Variants in STMN1 observed in about 807,000 individuals in gnomAD.
STMN1 encodes the protein stathmin.
STMN1 carries 3 observed loss-of-function variants against 19.7 expected under a neutral mutation model. The observed-to-expected ratio is 0.15, with a 90% CI of 0.07 to 0.39. The LOEUF (loss-of-function observed/expected upper bound fraction) is 0.39. Among genes scored for constraint, STMN1 ranks in the 10% least tolerant of loss-of-function variants. The pLI is 1.00. For synonymous variants in STMN1, 59 were observed against 58.9 expected (o/e 1.00, Z -0.01); for missense variants, 99 against 176.0 (o/e 0.56, Z 2.48).
downstream of STMN1, among the ~76,000 whole-genome samples, chr1:25,895,613 G>A (rs2048812915): frequency 1.3e-5 from 2 of 152,200 alleles, no homozygotes; most frequent in Non-Finnish European, 2.9e-5. Flanking sequence ...GTCCGCTGAC[G>A]GCCGCTGGGT....
chr1:25,904,818 A>G lies in STMN1; in HGVS notation c.-62-80T>C, dbSNP rs532461762. On this transcript the variant is annotated intron_variant, in intron 1 of 4. Coordinates refer to ENST00000455785, the MANE Select transcript of STMN1 (RefSeq NM_005563.4). ...TCAACCCAAAAAAATCTCACATCAC[A>G]TCTACATACATCGTCAGAAAAATAC... is the stretch of plus-strand genomic sequence containing the variant. 5.7e-5 allele frequency: 53 copies of G among 931,540 alleles called. No individual in the cohort carries two copies. In the Admixed American group the frequency reaches 7.3e-4, roughly 13 times the overall value. 57.7% of individuals were successfully genotyped at this position (931,540 alleles called of 1,614,324 possible).
intron 3 of STMN1, 54 bp downstream of exon 3, chr1:25,903,587 G>C (rs2048900394): frequency 6.3e-6 from 10 of 1,592,974 alleles, no homozygotes; most frequent in Non-Finnish European, 8.5e-6. Context: ...AAATAAAATT[G>C]ATCTGCCCAT....
Position 25,900,814 on chromosome 1 carries a change from T to A in STMN1, c.*202A>T. The A allele has an allele frequency of 7.3e-7, 1 of 1,376,374 alleles. No individual in the cohort carries two copies. The highest frequency in any genetic ancestry group is 9.4e-7 in the Non-Finnish European group (1 of 1,066,594). 85.3% of individuals were successfully genotyped at this position (1,376,374 alleles called of 1,614,324 possible). A position where few individuals can be genotyped will look rare whatever the true frequency, so the allele number is the denominator to read the frequency against. ...TAGCTACATTAGAAAGACCAACACT[T>A]TAGAAAAAGAGTAAAACACTTTCAG... On this transcript the variant is annotated 3_prime_UTR_variant, in exon 5 of 5. Transcript: ENST00000455785.
At chr1:25,903,603 A>G in intron 3 of STMN1, 38 bp downstream of exon 3, 1 of 1,606,126 alleles carries the variant, frequency 6.2e-7, no homozygotes, top group South Asian at 1.1e-5. Flanking sequence ...CCCATTACAT[A>G]AATTAATATC....
Position 25,900,441 on chromosome 1 carries a change from G to A in STMN1, c.*575C>T. ...ACACTGGGGCAAGAAACGGGGCAGA[G>A]AACGTGCGGTCATTTGTGCGTTGGG... On this transcript the variant is annotated 3_prime_UTR_variant, in exon 5 of 5. Transcript: ENST00000455785. 2.0e-6 allele frequency: 2 copies of A among 985,890 alleles called. No homozygotes were observed. Among genetic ancestry groups the A allele is most frequent in the East Asian group, 1.1e-4 (1 of 8,828 alleles). The allele number at this position is 985,890 out of a possible 1,614,324, so 61.1% of individuals were successfully genotyped here.
chr1:25,899,975 C>G (rs2048852879), downstream of STMN1: 4 of 558,656 alleles, frequency 7.2e-6, no homozygotes, highest in Non-Finnish European at 9.1e-6. Context: ...CAAAGGCGTT[C>G]CCTGAATTGA....
At position 25,906,263 on chromosome 1, in the gene STMN1, C is replaced by G. The variant is rs1161573009; in HGVS notation, c.-63+126G>C. ...AGCGACCCCCGCCCACCAACCCCTC[C>G]GAGGCCCGCAGCCCCGCCCGCCGCC... is the stretch of plus-strand genomic sequence containing the variant. On this transcript the variant is annotated intron_variant, in intron 1 of 4. Transcript: ENST00000455785. This position sits in a 1 kb window ranked among gnomAD's most constrained non-coding sequence, Gnocchi z 4.5. 3 of 151,866 alleles carry G rather than the reference C, an allele frequency of 2.0e-5. No individual in the cohort carries two copies. The highest frequency in any genetic ancestry group is 6.6e-5 in the Admixed American group (1 of 15,232). 9.4% of individuals were successfully genotyped at this position (151,866 alleles called of 1,614,324 possible).
At chr1:25,905,777 G>C (rs1475658056) in intron 1 of STMN1, 1 of 152,190 alleles carries the variant, frequency 6.6e-6, no homozygotes, top group Non-Finnish European at 1.5e-5. Context: ...AGCGGGTGGG[G>C]CAGGCCCCGG....
chr1:25,885,571 A>T, exon 5 of STMN1: 1 of 1,022,718 alleles, frequency 9.8e-7, no homozygotes, highest in Non-Finnish European at 1.4e-6. Context: ...ACTGAGGCTC[A>T]GACACAGCAA....
exon 5 of STMN1, chr1:25,885,695 T>A: frequency 6.5e-7 from 1 of 1,542,076 alleles, no homozygotes; most frequent in Non-Finnish European, 8.8e-7. Context: ...GTCATTGCTA[T>A]CATCAACAGC....
chr1:25,902,277 G>A (rs1277489361), intron 3 of STMN1: 1 of 152,134 alleles, frequency 6.6e-6, no homozygotes, highest in Non-Finnish European at 1.5e-5. Context: ...GATGACTTGA[G>A]GAATATGTAC....
In STMN1 at chr1:25,900,349, A is replaced by G. The variant is rs760351743; in HGVS notation, c.*667T>C. 1.9e-4 allele frequency: 191 copies of G among 985,902 alleles called. 1 individual carries two copies. The highest frequency in any genetic ancestry group is 1.4e-4 in the Non-Finnish European group (115 of 829,950). 61.1% of individuals were successfully genotyped at this position (985,902 alleles called of 1,614,324 possible). The stretch of plus-strand genomic sequence containing the variant: ...GTTTGCAAATAAACATCTGAAAGAA[A>G]GTAACAGCTGACCTGGGCTGAGGCA... On this transcript the variant is annotated 3_prime_UTR_variant, in exon 5 of 5. Coordinates refer to ENST00000455785, the MANE Select transcript of STMN1 (RefSeq NM_005563.4).
downstream of STMN1, among the ~76,000 whole-genome samples, chr1:25,899,845 G>A (rs577293157): frequency 1.8e-4 from 28 of 152,186 alleles, no homozygotes; most frequent in South Asian, 5.4e-3. Context: ...GGACCCCACC[G>A]CAGTATTAGC....
chr1:25,887,921 G>A (rs1394323418), intron 4 of STMN1, among the ~76,000 whole-genome samples: 10 of 152,282 alleles, frequency 6.6e-5, no homozygotes, highest in East Asian at 1.9e-4. Flanking sequence ...TCTTGACTTC[G>A]TGATCCACCC....
At position 25,900,621 on chromosome 1, in the gene STMN1, T is replaced by C. The variant is rs753098846; in HGVS notation, c.*395A>G. On this transcript the variant is annotated 3_prime_UTR_variant, in exon 5 of 5. Transcript: ENST00000455785. ...TCAAGTCCAGTAGCATCTGGTAAGA[T>C]TGGGACAGAATTGGGATTGAAAAGT... is the stretch of plus-strand genomic sequence containing the variant. 126 of 993,550 alleles carry C rather than the reference T, an allele frequency of 1.3e-4. No homozygotes were observed. Among genetic ancestry groups the C allele is most frequent in the Non-Finnish European group, 1.5e-4 (124 of 835,300 alleles). 61.5% of individuals were successfully genotyped at this position (993,550 alleles called of 1,614,324 possible). A position where few individuals can be genotyped will look rare whatever the true frequency, so the allele number is the denominator to read the frequency against.
At chr1:25,891,877 G>T (rs190984719) in intron 4 of STMN1, among the ~76,000 whole-genome samples, 1 of 152,280 alleles carries the variant, frequency 6.6e-6, no homozygotes, top group Non-Finnish European at 1.5e-5. Flanking sequence ...GGAACACTGG[G>T]CAGGGAGGGG....
intron 4 of STMN1, among the ~76,000 whole-genome samples, chr1:25,892,992 C>T (rs2048789761): frequency 6.6e-6 from 1 of 152,196 alleles, no homozygotes; most frequent in African/African-American, 2.4e-5. Context: ...TAACTTAATA[C>T]TTCTGTAAAA....
chr1:25,885,722 C>G, exon 5 of STMN1: 1 of 1,549,906 alleles, frequency 6.5e-7, no homozygotes, highest in Non-Finnish European at 8.7e-7. Flanking sequence ...TTATTAAGTA[C>G]CTAGTGATGG....
In STMN1 at chr1:25,903,678, A is replaced by G; in HGVS notation, c.149T>C (p.Ile50Thr). The part of the protein sequence containing the change: ...PKKKDLSLEE[I>T]QKKLEAAEER... Reference sequence around the variant, plus strand: ...TTCTGCAGCTTCTAATTTCTTCTGAATTTCCTCCAGGGAAAGATCCTTCTT... The same window carrying G: ...TTCTGCAGCTTCTAATTTCTTCTGAGTTTCCTCCAGGGAAAGATCCTTCTT... The change falls in exon 3 of 5, where the codon ATT becomes ACT. Residue 50 changes from isoleucine to threonine, a missense_variant. By Grantham distance (89) the Ile-to-Thr change is moderately conservative. Coordinates refer to ENST00000455785, the MANE Select transcript of STMN1 (RefSeq NM_005563.4). 1 of 1,613,382 alleles carries G rather than the reference A, an allele frequency of 6.2e-7. No homozygotes were observed. Among genetic ancestry groups the G allele is most frequent in the Non-Finnish European group, 8.5e-7 (1 of 1,179,978 alleles).
Sources: gnomAD v4.1 joint callset for allele counts (sites outside exome capture counted in the v4.1 genomes callset) on GRCh38, gnomAD v4.1.1 for gene constraint, Gnocchi (gnomAD v3.1) non-coding constraint, MANE v1.5 for transcripts, NCBI Gene and HGNC (gene_info 2026-07-23, HGNC 2026-07-21) for gene names.